The following CHRNA9 variants were observed in gnomAD, a reference collection of about 807,000 sequenced individuals.
The protein encoded by CHRNA9 is neuronal acetylcholine receptor subunit alpha-9.
Under a neutral mutation model 36.8 loss-of-function variants are expected in CHRNA9, and 24 were observed. That is an observed-to-expected ratio of 0.65 (90% CI 0.47 to 0.92). The LOEUF is 0.92. Ranked by LOEUF, CHRNA9 falls within the 40% of genes least tolerant of loss-of-function variation. The pLI is 0.00. For missense variants in CHRNA9, 610 were observed against 601.2 expected (o/e 1.01, Z -0.15); for synonymous variants, 231 against 231.8 (o/e 1.00, Z 0.03).
intron 3 of CHRNA9, among the ~76,000 whole-genome samples, chr4:40,342,562 G>A (rs1258303606): frequency 6.6e-6 from 1 of 152,168 alleles, no homozygotes. Context: ...AAGAGAGGAT[G>A]TCTAGGAATA....
At chr4:40,336,934 C>A (rs1227449420) in intron 2 of CHRNA9, among the ~76,000 whole-genome samples, 1 of 152,096 alleles carries the variant, frequency 6.6e-6, no homozygotes, top group African/African-American at 2.4e-5. Context: ...ATTCATTGAT[C>A]AATTTTCAGG....
chr4:40,342,040 T>C (rs779898416), intron 3 of CHRNA9, among the ~76,000 whole-genome samples: 3 of 152,210 alleles, frequency 2.0e-5, no homozygotes, highest in Non-Finnish European at 2.9e-5. Context: ...TGAGCCACCA[T>C]GCCTGGCCCC....
At chr4:40,341,797 G>C (rs1336857914) in intron 3 of CHRNA9, among the ~76,000 whole-genome samples, 1 of 152,198 alleles carries the variant, frequency 6.6e-6, no homozygotes, top group African/African-American at 2.4e-5. Flanking sequence ...AAAATGTCAA[G>C]AACGTGGACG....
chr4:40,351,368 G>T (rs1158956539), intron 4 of CHRNA9, among the ~76,000 whole-genome samples: 2 of 151,550 alleles, frequency 1.3e-5, no homozygotes, highest in Non-Finnish European at 2.9e-5. Context: ...GAAAGATAGG[G>T]TCTCACTATG....
chr4:40,342,849 G>A lies in CHRNA9; in HGVS notation c.365+5485G>A, dbSNP rs76463266. ...CTAGAGGGGCCAGAGAGAAGAAGAG[G>A]GACCAAGGGAGGCAAAATCCTGAAG... is the stretch of plus-strand genomic sequence containing the variant. On this transcript the variant is annotated intron_variant, in intron 3 of 4. Coordinates refer to ENST00000310169, the MANE Select transcript of CHRNA9 (RefSeq NM_017581.4). Among the ~76,000 whole-genome samples, 62 of 151,998 alleles carry A rather than the reference G, an allele frequency of 4.1e-4. 2 individuals are homozygous for A. The East Asian group carries it at 0.012, about 29-fold the overall frequency.
rs543449903 is a variant in CHRNA9, at chr4:40,340,973, C to CAAAAAAAA, written c.365+3622_365+3629dup. Among the ~76,000 whole-genome samples, 505 of 64,790 alleles carry CAAAAAAAA rather than the reference C, an allele frequency of 7.8e-3. 5 individuals are homozygous for CAAAAAAAA. The highest frequency in any genetic ancestry group is 0.014 in the East Asian group (22 of 1,536). The allele number at this position is 64,790 out of a possible 152,430, so 42.5% of individuals were successfully genotyped here. On this transcript the variant is annotated intron_variant, in intron 3 of 4. Transcript: ENST00000310169. Reference sequence around the variant, plus strand: ...GAAGCCAAAGGGAAGATAAGCTCTCCAAAAAAAAAAAAAAAAAAAAGAACA... The same window carrying CAAAAAAAA: ...GAAGCCAAAGGGAAGATAAGCTCTCCAAAAAAAAAAAAAAAAAAAAAAAAAAAAGAACA...
intron 3 of CHRNA9, among the ~76,000 whole-genome samples, chr4:40,341,450 G>A (rs1455548139): frequency 2.6e-5 from 4 of 152,022 alleles, no homozygotes; most frequent in Non-Finnish European, 4.4e-5. Flanking sequence ...CTTCCAACTC[G>A]TCACAGACCA....
intron 4 of CHRNA9, among the ~76,000 whole-genome samples, chr4:40,353,039 T>C (rs1445463796): frequency 6.6e-6 from 1 of 152,174 alleles, no homozygotes; most frequent in Non-Finnish European, 1.5e-5. Context: ...AGTTAGATAT[T>C]ATTATTACAC....
At position 40,348,959 on chromosome 4, in the gene CHRNA9, C is replaced by T. The variant is rs755802907; in HGVS notation, c.443C>T (p.Pro148Leu). 6.0e-5 allele frequency: 97 copies of T among 1,614,010 alleles called. No individual in the cohort carries two copies. Among genetic ancestry groups the T allele is most frequent in the Non-Finnish European group, 7.6e-5 (90 of 1,180,004 alleles). The change falls in exon 4 of 5, where the codon CCG (proline) becomes CTG (leucine). Residue 148 changes from proline (P) to leucine (L), a missense_variant. Physicochemically the swap from Pro to Leu is moderately conservative, Grantham distance 98. Transcript: ENST00000310169. ...RYDGLITWDA[P>L]AITKSSCVVD... ...GATGGGCTGATCACCTGGGATGCAC[C>T]GGCCATCACCAAAAGCTCCTGTGTG...
chr4:40,336,659 T>C (rs944458193), intron 2 of CHRNA9, among the ~76,000 whole-genome samples: 8 of 151,996 alleles, frequency 5.3e-5, no homozygotes, highest in Non-Finnish European at 1.0e-4. Context: ...TTTTTGTATT[T>C]TTAGTAGAGA....
chr4:40,335,730 T>G, intron 1 of CHRNA9, 97 bp from the exon 2 acceptor site: 1 of 1,275,228 alleles, frequency 7.8e-7, no homozygotes, highest in Non-Finnish European at 1.1e-6. Context: ...CTCGCCAGTG[T>G]TGGGCCATCC....
At chr4:40,335,670 T>G in intron 1 of CHRNA9, 139 bp downstream of exon 1, 2 of 980,050 alleles carry the variant, frequency 2.0e-6, no homozygotes, top group Non-Finnish European at 3.2e-6. Flanking sequence ...ACTCTGATCT[T>G]GGTAGGGCAT....
rs371625417 is a variant in CHRNA9, at chr4:40,337,239, T to C, written c.240T>C (p.Tyr80=). The change falls in exon 3 of 5, where the codon TAT becomes TAC. Residue 80 remains tyrosine, a synonymous_variant. Transcript: ENST00000310169. ...MDERNQILTA[Y]LWIRQIWHDA... Reference sequence around the variant, plus strand: ...AAAGAAACCAAATTCTGACTGCTTATTTGTGGATCCGCCAAATCTGGCACG... The same window carrying C: ...AAAGAAACCAAATTCTGACTGCTTACTTGTGGATCCGCCAAATCTGGCACG... 2.2e-5 allele frequency: 35 copies of C among 1,614,098 alleles called. No individual in the cohort carries two copies. The highest frequency in any genetic ancestry group is 3.0e-5 in the Non-Finnish European group (35 of 1,180,042).
Position 40,342,804 on chromosome 4 carries a change from C to T in CHRNA9, c.365+5440C>T, listed in dbSNP as rs190870880. Among the ~76,000 whole-genome samples the T allele has an allele frequency of 1.2e-4, 18 of 151,994 alleles. No individual in the cohort carries two copies. In the East Asian group the frequency reaches 1.5e-3, roughly 13 times the overall value. ...AAAGGAGTTTGGCAGGAGAGACTTG[C>T]GAACAGAGTTGGAAAGTGGCTAGAG... On this transcript the variant is annotated intron_variant, in intron 3 of 4. Coordinates refer to ENST00000310169, the MANE Select transcript of CHRNA9 (RefSeq NM_017581.4).
chr4:40,349,269 A>G lies in CHRNA9; in HGVS notation c.753A>G (p.Ile251Met). The G allele has an allele frequency of 3.1e-6, 5 of 1,614,056 alleles. No homozygotes were observed. The highest frequency in any genetic ancestry group is 4.2e-6 in the Non-Finnish European group (5 of 1,180,012). ...IVNLLIPCVLISFLAPLSFYL... is the reference protein window; with the variant it reads ...IVNLLIPCVLMSFLAPLSFYL... ...ACCTCCTCATCCCATGCGTCCTCAT[A>G]TCTTTTCTGGCTCCTCTGAGTTTTT... Residue 251 changes from isoleucine (I) to methionine (M), a missense_variant, in exon 4 of 5, where the codon ATA (isoleucine) becomes ATG (methionine). By Grantham distance (10) the Ile-to-Met change is conservative (BLOSUM62 1). Coordinates refer to ENST00000310169, the MANE Select transcript of CHRNA9 (RefSeq NM_017581.4).
intron 3 of CHRNA9, among the ~76,000 whole-genome samples, chr4:40,340,601 T>G (rs10021263): frequency 0.14 from 21,415 of 152,030 alleles, 1,552 homozygotes; most frequent in African/African-American, 0.16. Flanking sequence ...GTACAGAACA[T>G]CATAGGCAAC....
intron 4 of CHRNA9, among the ~76,000 whole-genome samples, chr4:40,350,873 C>A (rs781654513): frequency 6.6e-6 from 1 of 152,034 alleles, no homozygotes; most frequent in South Asian, 2.1e-4. Context: ...GATCATGGGG[C>A]GGTCCCACTC....
At chr4:40,351,311 G>T (rs1712799161) in intron 4 of CHRNA9, among the ~76,000 whole-genome samples, 1 of 145,312 alleles carries the variant, frequency 6.9e-6, no homozygotes. Flanking sequence ...CAACCTGGGG[G>T]ACAGTGTGAG....
Position 40,354,322 on chromosome 4 carries a change from C to T in CHRNA9, c.1242C>T (p.Ala414=), listed in dbSNP as rs746098694. 17 of 1,613,940 alleles carry T rather than the reference C, an allele frequency of 1.1e-5. No individual in the cohort carries two copies. The highest frequency in any genetic ancestry group is 4.0e-5 in the African/African-American group (3 of 74,876). The change falls in exon 5 of 5, where the codon GCC becomes GCT. Residue 414 remains alanine (A), a synonymous_variant. Coordinates refer to ENST00000310169, the MANE Select transcript of CHRNA9 (RefSeq NM_017581.4). ...LGCQGKNPQE[A]ESYCAQYKVL... ...GCCAGGGTAAGAACCCTCAGGAGGC[C>T]GAGAGTTACTGTGCACAGTACAAAG...
Sources: allele counts gnomAD v4.1 joint callset (sites outside exome capture counted in the v4.1 genomes callset), GRCh38; gene constraint gnomAD v4.1.1; transcripts MANE v1.5; gene names NCBI Gene and HGNC (gene_info 2026-07-23, HGNC 2026-07-21).